The following DDX49 variants were observed in gnomAD, a reference collection of about 807,000 sequenced individuals.
The protein encoded by DDX49 is DEAD-box helicase 49, also known as probable ATP-dependent RNA helicase DDX49.
A neutral mutation model predicts 56.3 loss-of-function variants in DDX49; 50 were observed. The ratio of observed to expected loss-of-function variants is 0.89; its 90% CI spans 0.71 to 1.12. DDX49 has a LOEUF of 1.12. Among genes scored for constraint, DDX49 ranks in the 50% most tolerant of loss-of-function variants. The probability of loss-of-function intolerance (pLI) is 0.00; values close to 1 mark genes in which losing one functional copy is unlikely to be tolerated. For synonymous variants in DDX49, 269 were observed against 270.6 expected (o/e 0.99, Z 0.06); for missense variants, 614 against 650.5 (o/e 0.94, Z 0.61).
chr19:18,926,444 T>C (rs1295145596), intron 10 of DDX49, 67 bp downstream of exon 10: 2 of 1,213,896 alleles, frequency 1.6e-6, no homozygotes, highest in Non-Finnish European at 2.4e-6. Context: ...CACCTCGGGG[T>C]GAGACCCATT....
intron 2 of DDX49, 47 bp downstream of exon 2, chr19:18,920,750 C>G (rs769498402): frequency 6.4e-7 from 1 of 1,553,108 alleles, no homozygotes; most frequent in African/African-American, 1.4e-5. Flanking sequence ...CAGCTGTGCT[C>G]TCTTGGGCAA....
chr19:18,921,525 A>C (rs2056917021), intron 2 of DDX49, 138 bp from the exon 3 acceptor site: 1 of 789,880 alleles, frequency 1.3e-6, no homozygotes, highest in Admixed American at 2.3e-5. Flanking sequence ...TCCAAGGCTC[A>C]GCATCAGAGC....
chr19:18,924,666 A>T lies in DDX49; in HGVS notation c.896A>T (p.Tyr299Phe). ...CTAGCCAAGTTCAAGTCCAGCATCTACCGGATCCTGATCGCAACAGACGTG... is the reference window on the plus strand; with the variant it reads ...CTAGCCAAGTTCAAGTCCAGCATCTTCCGGATCCTGATCGCAACAGACGTG... Reference protein sequence around the residue: ...AALAKFKSSIYRILIATDVAS... With the variant: ...AALAKFKSSIFRILIATDVAS... The change falls in exon 8 of 13, where the codon TAC (tyrosine) becomes TTC (phenylalanine). Residue 299 changes from tyrosine (Y) to phenylalanine (F), a missense_variant. Transcript: ENST00000247003. 6.2e-7 allele frequency: 1 copy of T among 1,614,100 alleles called. No individual in the cohort carries two copies. Among genetic ancestry groups the T allele is most frequent in the Non-Finnish European group, 8.5e-7 (1 of 1,180,004 alleles).
In DDX49 at chr19:18,921,887, G is replaced by T; in HGVS notation, c.370G>T (p.Val124Phe). Reference sequence around the variant, plus strand: ...GGAGCTCTCTCGGAAACCACACGTGGTCATCGCCACGCCGGGGCGCCTGGC... The same window carrying T: ...GGAGCTCTCTCGGAAACCACACGTGTTCATCGCCACGCCGGGGCGCCTGGC... ...ALELSRKPHV[V>F]IATPGRLADH... Residue 124 changes from valine (V) to phenylalanine (F), a missense_variant, in exon 4 of 13, where the codon GTC (valine) becomes TTC (phenylalanine). Coordinates refer to ENST00000247003, the MANE Select transcript of DDX49 (RefSeq NM_019070.5). 1 of 1,613,990 alleles carries T rather than the reference G, an allele frequency of 6.2e-7. No homozygotes were observed.
chr19:18,924,370 G>T, intron 7 of DDX49, 62 bp downstream of exon 7: 1 of 1,520,938 alleles, frequency 6.6e-7, no homozygotes, highest in Non-Finnish European at 9.1e-7. Flanking sequence ...TCAGACATTG[G>T]CCCCGATCCT....
In DDX49 at chr19:18,924,704, G is replaced by A; in HGVS notation, c.929+5G>A. On this transcript the variant is annotated splice_donor_5th_base_variant and intron_variant, in intron 8 of 12. Transcript: ENST00000247003. Reference sequence around the variant, plus strand: ...CGCAACAGACGTGGCCTCCCGGTGAGCAGCCCCCAGTCTCCTGCCAAGGGC... The same window carrying A: ...CGCAACAGACGTGGCCTCCCGGTGAACAGCCCCCAGTCTCCTGCCAAGGGC... The A allele has an allele frequency of 6.2e-7, 1 of 1,614,192 alleles. No individual in the cohort carries two copies. Among genetic ancestry groups the A allele is most frequent in the Non-Finnish European group, 8.5e-7 (1 of 1,180,030 alleles).
intron 2 of DDX49, among the ~76,000 whole-genome samples, chr19:18,921,261 T>TG (rs1276757873): frequency 1.3e-5 from 2 of 151,914 alleles, no homozygotes; most frequent in African/African-American, 4.8e-5. Flanking sequence ...GAATTGATTC[T>TG]GGGGGTGTGT....
Position 18,928,397 on chromosome 19 carries a change from C to A in DDX49, c.*81C>A. ...GGAACCTTCCTTGGGGGCAGCAGCCCTTCCCGGGGGCCTACCCAGTGCCCC... is the reference window on the plus strand; with the variant it reads ...GGAACCTTCCTTGGGGGCAGCAGCCATTCCCGGGGGCCTACCCAGTGCCCC... On this transcript the variant is annotated 3_prime_UTR_variant, in exon 13 of 13. Transcript: ENST00000247003. 1 of 1,369,532 alleles carries A rather than the reference C, an allele frequency of 7.3e-7. No individual in the cohort carries two copies. Among genetic ancestry groups the A allele is most frequent in the Non-Finnish European group, 9.6e-7 (1 of 1,037,088 alleles). 84.8% of individuals were successfully genotyped at this position (1,369,532 alleles called of 1,614,324 possible).
In DDX49 at chr19:18,922,310, C is replaced by T; in HGVS notation, c.448-16C>T. On this transcript the variant is annotated splice_polypyrimidine_tract_variant and intron_variant, in intron 4 of 12. Transcript: ENST00000247003. ...CATGGACGGCACCCTCACCCCTGCC[C>T]CCATTGGCACGGCAGGTGATGGATG... The T allele has an allele frequency of 6.2e-7, 1 of 1,607,032 alleles. No homozygotes were observed. Among genetic ancestry groups the T allele is most frequent in the South Asian group, 1.1e-5 (1 of 89,584 alleles).
In DDX49 at chr19:18,921,897, C is replaced by T. The variant is rs1322612825; in HGVS notation, c.380C>T (p.Thr127Met). The change falls in exon 4 of 13, where the codon ACG becomes ATG. Residue 127 changes from threonine to methionine, a missense_variant. Physicochemically the swap from Thr to Met is moderately conservative, Grantham distance 81. Coordinates refer to ENST00000247003, the MANE Select transcript of DDX49 (RefSeq NM_019070.5). Reference protein sequence around the residue: ...LSRKPHVVIATPGRLADHLRS... With the variant: ...LSRKPHVVIAMPGRLADHLRS... ...CGGAAACCACACGTGGTCATCGCCA[C>T]GCCGGGGCGCCTGGCAGATCACCTG... 6.8e-6 allele frequency: 11 copies of T among 1,613,822 alleles called. No individual in the cohort carries two copies. Among genetic ancestry groups the T allele is most frequent in the East Asian group, 4.5e-5 (2 of 44,886 alleles).
intron 2 of DDX49, 154 bp downstream of exon 2, chr19:18,920,857 T>C: frequency 1.4e-6 from 1 of 722,040 alleles, no homozygotes; most frequent in Non-Finnish European, 2.1e-6. Flanking sequence ...TTAAACAAGA[T>C]GGCCCCGGTG....
rs1456895880 is a variant in DDX49 at position 18,921,856 on chromosome 19, G to A, written c.339G>A (p.Gln113=). 1 of 1,614,028 alleles carries A rather than the reference G, an allele frequency of 6.2e-7. No homozygotes were observed. The highest frequency in any genetic ancestry group is 1.3e-5 in the African/African-American group (1 of 75,064). Residue 113 remains glutamine, a synonymous_variant, in exon 4 of 13, where the codon CAG becomes CAA. Coordinates refer to ENST00000247003, the MANE Select transcript of DDX49 (RefSeq NM_019070.5). The part of the protein sequence containing the change: ...IIVGGMDMVA[Q]ALELSRKPHV... ...TCTGTCCCCCAGACATGGTGGCCCA[G>A]GCGCTGGAGCTCTCTCGGAAACCAC...
chr19:18,920,637 T>C lies in DDX49; in HGVS notation c.173T>C (p.Leu58Pro). 1 of 1,611,812 alleles carries C rather than the reference T, an allele frequency of 6.2e-7. No individual in the cohort carries two copies. Among genetic ancestry groups the C allele is most frequent in the Non-Finnish European group, 8.5e-7 (1 of 1,178,074 alleles). The change falls in exon 2 of 13, where the codon CTT becomes CCT. Residue 58 changes from leucine (L) to proline (P), a missense_variant. Physicochemically the swap from Leu to Pro is moderately conservative, Grantham distance 98 (BLOSUM62 -3). Transcript: ENST00000247003. ...TGSGKTAAFV[L>P]PILQKLSEDP... ...AGTGGGAAGACAGCAGCGTTTGTCC[T>C]TCCCATCTTGCAGAAGCTGTCTGAG...
At position 18,927,816 on chromosome 19, in the gene DDX49, C is replaced by T; in HGVS notation, c.1153C>T (p.Leu385Phe). ...SVEEAEVLQI[L>F]TQVNVVRREC... ...GGAAGAGGCCGAGGTGCTACAGATCCTCACACAGGTCAACGTGGTGCGAAG... is the reference window on the plus strand; with the variant it reads ...GGAAGAGGCCGAGGTGCTACAGATCTTCACACAGGTCAACGTGGTGCGAAG... The change falls in exon 11 of 13, where the codon CTC becomes TTC. Residue 385 changes from leucine to phenylalanine, a missense_variant. Physicochemically the swap from Leu to Phe is conservative, Grantham distance 22. Transcript: ENST00000247003. 6.2e-7 allele frequency: 1 copy of T among 1,613,998 alleles called. No homozygotes were observed. Among genetic ancestry groups the T allele is most frequent in the East Asian group, 2.2e-5 (1 of 44,838 alleles).
rs1442248037 is a variant in DDX49 at position 18,928,165 on chromosome 19, C to A, written c.1301C>A (p.Ala434Asp). 2 of 1,594,388 alleles carry A rather than the reference C, an allele frequency of 1.3e-6. No homozygotes were observed. Among genetic ancestry groups the A allele is most frequent in the Non-Finnish European group, 1.7e-6 (2 of 1,170,698 alleles). The change falls in exon 13 of 13, where the codon GCC becomes GAC. Residue 434 changes from alanine (A) to aspartate (D), a missense_variant. Transcript: ENST00000247003. ...GAGGCCAAGCGCAAGGCTGAGCTGGCCAAGATCAAGCAGAAGAACCGGCGC... is the reference window on the plus strand; with the variant it reads ...GAGGCCAAGCGCAAGGCTGAGCTGGACAAGATCAAGCAGAAGAACCGGCGC... The part of the protein sequence containing the change: ...DLEAKRKAEL[A>D]KIKQKNRRFK...
intron 9 of DDX49, 32 bp downstream of exon 9, chr19:18,925,011 G>A: frequency 6.2e-7 from 1 of 1,601,046 alleles, no homozygotes; most frequent in Non-Finnish European, 8.5e-7. Flanking sequence ...CGAGCCTTGG[G>A]CCTCTGTCCC....
chr19:18,927,673 C>A, intron 10 of DDX49, 93 bp from the exon 11 acceptor site: 1 of 1,076,496 alleles, frequency 9.3e-7, no homozygotes, highest in Non-Finnish European at 1.4e-6. Flanking sequence ...GCCTTGCATA[C>A]CCCACAGCAT....
At position 18,922,757 on chromosome 19, in the gene DDX49, C is replaced by T. The variant is rs541107252; in HGVS notation, c.776+13C>T. 1.2e-5 allele frequency: 19 copies of T among 1,607,448 alleles called. No homozygotes were observed. In the East Asian group the frequency reaches 2.5e-4, roughly 21 times the overall value. ...CCAACACGTGCAAGTGAGCGGGGCCCGCCTCTCCCCTCCCACCGCCCTTCA... is the reference window on the plus strand; with the variant it reads ...CCAACACGTGCAAGTGAGCGGGGCCTGCCTCTCCCCTCCCACCGCCCTTCA... On this transcript the variant is annotated intron_variant, in intron 6 of 12. Transcript: ENST00000247003.
chr19:18,926,116 C>T (rs1244026763), intron 9 of DDX49, among the ~76,000 whole-genome samples, 187 bp from the exon 10 acceptor site: 1 of 152,200 alleles, frequency 6.6e-6, no homozygotes, highest in Non-Finnish European at 1.5e-5. Context: ...CTCTCCCCAG[C>T]GACCCGTCCT....
Sources: gnomAD v4.1 joint callset for allele counts (sites outside exome capture counted in the v4.1 genomes callset) on GRCh38, gnomAD v4.1.1 for gene constraint, MANE v1.5 for transcripts, NCBI Gene and HGNC (gene_info 2026-07-23, HGNC 2026-07-21) for gene names.